Variants in CRACDL observed in about 807,000 individuals in gnomAD.
CRACDL encodes the protein CRACD like, also known as CRACD-like protein.
CRACDL carries 26 observed loss-of-function variants against 70.6 expected under a neutral mutation model. The ratio of observed to expected loss-of-function variants is 0.37; its 90% CI spans 0.27 to 0.51. The LOEUF is 0.51. Ranked by LOEUF, CRACDL falls within the 20% of genes least tolerant of loss-of-function variation. The pLI is 0.94. For synonymous variants in CRACDL, 618 were observed against 615.2 expected (o/e 1.00, Z -0.07); for missense variants, 1,283 against 1,376.9 (o/e 0.93, Z 1.08).
At chr2:98,892,548 G>A (rs1278638358) in intron 1 of CRACDL, among the ~76,000 whole-genome samples, 2 of 151,778 alleles carry the variant, frequency 1.3e-5, no homozygotes, top group African/African-American at 4.8e-5. Flanking sequence ...AAATTAGCCG[G>A]GTGTGGCGGC....
chr2:98,893,188 T>C (rs928867396), intron 1 of CRACDL, among the ~76,000 whole-genome samples: 2 of 140,102 alleles, frequency 1.4e-5, no homozygotes, highest in African/African-American at 5.7e-5. Flanking sequence ...AGTGCACCTC[T>C]GTAGCAGGCT....
Position 98,846,761 on chromosome 2 carries a change from C to T in CRACDL, c.40G>A (p.Ala14Thr). 6.2e-7 allele frequency: 1 copy of T among 1,614,198 alleles called. No homozygotes were observed. The highest frequency in any genetic ancestry group is 8.5e-7 in the Non-Finnish European group (1 of 1,180,012). The change falls in exon 2 of 10, where the codon GCT (alanine) becomes ACT (threonine). Residue 14 changes from alanine (A) to threonine (T), a missense_variant. Coordinates refer to ENST00000397899, the MANE Select transcript of CRACDL (RefSeq NM_207362.3). ...CTGTCCTCCCCAAGGCCTTCTGCAG[C>T]CTCCCGAAGCTTAATGTCCATCACC... ...TRVMDIKLRE[A>T]AEGLGEDSTG...
At chr2:98,797,267 G>T in intron 8 of CRACDL, 83 bp downstream of exon 8, 1 of 1,298,868 alleles carries the variant, frequency 7.7e-7, no homozygotes, top group South Asian at 1.3e-5. Flanking sequence ...TGCAGCACAT[G>T]TGGTCCTTAC....
chr2:98,845,829 T>C, intron 2 of CRACDL, among the ~76,000 whole-genome samples: 1 of 152,224 alleles, frequency 6.6e-6, no homozygotes, highest in Non-Finnish European at 1.5e-5. Flanking sequence ...ATATTTGGAT[T>C]TATTTGGTAT....
chr2:98,869,037 G>A (rs1245472707), intron 1 of CRACDL: 5 of 1,263,486 alleles, frequency 4.0e-6, no homozygotes, highest in Non-Finnish European at 4.2e-6. Context: ...CCCCTCCCTC[G>A]CGACTCTCCC....
intron 1 of CRACDL, among the ~76,000 whole-genome samples, chr2:98,860,895 A>T (rs1706909207): frequency 6.6e-6 from 1 of 152,260 alleles, no homozygotes; most frequent in African/African-American, 2.4e-5. Context: ...AAGAATTCTT[A>T]TAACTCAATA....
intron 7 of CRACDL, among the ~76,000 whole-genome samples, chr2:98,800,407 G>A (rs377575611): frequency 3.3e-5 from 5 of 151,968 alleles, no homozygotes; most frequent in African/African-American, 7.3e-5. Context: ...TTCTTTTTCT[G>A]TCCATAATGG....
At chr2:98,916,149 A>G (rs1224886548) in intron 1 of CRACDL, among the ~76,000 whole-genome samples, 2 of 152,266 alleles carry the variant, frequency 1.3e-5, no homozygotes, top group Admixed American at 6.5e-5. Context: ...CTATGCCCAC[A>G]CAATGTAATA....
intron 9 of CRACDL, among the ~76,000 whole-genome samples, chr2:98,795,075 A>ATTTTTTTTTTTT (rs1310155610): frequency 0.018 from 432 of 24,432 alleles, 38 homozygotes; most frequent in Non-Finnish European, 0.028. Flanking sequence ...ATATATATAT[A>ATTTTTTTTTTTT]TATTTTTTTT....
intron 1 of CRACDL, among the ~76,000 whole-genome samples, chr2:98,864,367 A>G (rs1271401131): frequency 6.6e-6 from 1 of 152,204 alleles, no homozygotes; most frequent in Non-Finnish European, 1.5e-5. Context: ...GCAAATCCAC[A>G]GAGACACAGA....
intron 7 of CRACDL, among the ~76,000 whole-genome samples, chr2:98,816,700 A>T (rs963754407): frequency 5.3e-5 from 8 of 152,202 alleles, no homozygotes; most frequent in Non-Finnish European, 4.4e-5. Context: ...GTTAAGACAC[A>T]CATGGTTGAG....
Position 98,824,777 on chromosome 2 carries a change from T to C in CRACDL, c.736-1240A>G, listed in dbSNP as rs552525968. On this transcript the variant is annotated intron_variant, in intron 6 of 9. Transcript: ENST00000397899. ...GCTTGCTAATAGAATATAGGATGCC[T>C]GGGATGTTTGTGACAATACCTAAGC... Among the ~76,000 whole-genome samples, 3 of 152,348 alleles carry C rather than the reference T, an allele frequency of 2.0e-5. No homozygotes were observed. In the South Asian group the frequency reaches 6.2e-4, roughly 32 times the overall value.
intron 1 of CRACDL, among the ~76,000 whole-genome samples, chr2:98,907,823 C>T (rs902275939): frequency 6.6e-6 from 1 of 152,174 alleles, no homozygotes; most frequent in Non-Finnish European, 1.5e-5. Flanking sequence ...GATTGGAAGT[C>T]TGATTACATT....
intron 7 of CRACDL, among the ~76,000 whole-genome samples, chr2:98,818,054 C>T (rs1027541035): frequency 6.6e-6 from 1 of 152,136 alleles, no homozygotes; most frequent in Non-Finnish European, 1.5e-5. Flanking sequence ...TCTAATCCTG[C>T]GTGCAGAAGC....
chr2:98,903,148 G>T (rs1230365073), intron 1 of CRACDL, among the ~76,000 whole-genome samples: 2 of 152,132 alleles, frequency 1.3e-5, no homozygotes, highest in African/African-American at 2.4e-5. Context: ...TGATGCAGAA[G>T]CCTGCGGAGA....
At chr2:98,929,349 C>T (rs888220601) in intron 1 of CRACDL, among the ~76,000 whole-genome samples, 8 of 152,140 alleles carry the variant, frequency 5.3e-5, no homozygotes, top group East Asian at 3.9e-4. Context: ...CTGTGCCCAC[C>T]GCACCTACTC....
intron 1 of CRACDL, among the ~76,000 whole-genome samples, chr2:98,890,787 T>C (rs979170504): frequency 3.3e-4 from 50 of 152,350 alleles, no homozygotes; most frequent in African/African-American, 1.1e-3. Context: ...CTGGGCGTGG[T>C]GGCTCACACA....
intron 7 of CRACDL, among the ~76,000 whole-genome samples, chr2:98,820,869 G>C (rs968888462): frequency 1.3e-5 from 2 of 152,188 alleles, no homozygotes; most frequent in Admixed American, 6.5e-5. Context: ...ACGTGAACCT[G>C]ATTATGAAGC....
chr2:98,865,982 C>T (rs1028973196), intron 1 of CRACDL, among the ~76,000 whole-genome samples: 1 of 151,674 alleles, frequency 6.6e-6, no homozygotes, highest in Non-Finnish European at 1.5e-5. Context: ...CTCACCTCTG[C>T]CTCCCACCTC....
Sources: gnomAD v4.1 joint callset for allele counts (sites outside exome capture counted in the v4.1 genomes callset) on GRCh38, gnomAD v4.1.1 for gene constraint, MANE v1.5 for transcripts, NCBI Gene and HGNC (gene_info 2026-07-23, HGNC 2026-07-21) for gene names.